Variants in IPCEF1 observed in about 807,000 individuals in gnomAD.
The protein encoded by IPCEF1 is interactor protein for cytohesin exchange factors 1.
A neutral mutation model predicts 50.9 loss-of-function variants in IPCEF1; 31 were observed. That is an observed-to-expected ratio of 0.61 (90% CI 0.46 to 0.82). The LOEUF (loss-of-function observed/expected upper bound fraction) is 0.82, where lower values mean the gene tolerates loss of function less well. Among genes scored for constraint, IPCEF1 ranks in the 40% least tolerant of loss-of-function variants. IPCEF1 has a pLI of 0.00. For missense variants in IPCEF1, 458 were observed against 514.0 expected (o/e 0.89, Z 1.05); for synonymous variants, 181 against 192.0 (o/e 0.94, Z 0.47).
chr6:154,173,408 T>C (rs1027007815), intron 10 of IPCEF1, among the ~76,000 whole-genome samples: 2 of 151,984 alleles, frequency 1.3e-5, no homozygotes, highest in African/African-American at 4.8e-5. Context: ...ATTGCAAGGA[T>C]GCTAAAAACC....
chr6:154,354,855 T>G (rs867250057), intron 1 of IPCEF1, among the ~76,000 whole-genome samples: 7 of 152,344 alleles, frequency 4.6e-5, no homozygotes, highest in Middle Eastern at 6.8e-3. Context: ...ACATTCATTT[T>G]ATGAATTATG....
At chr6:154,264,007 C>CA (rs150649406) in intron 3 of IPCEF1, among the ~76,000 whole-genome samples, 5 of 148,538 alleles carry the variant, frequency 3.4e-5, no homozygotes, top group South Asian at 2.2e-4. Flanking sequence ...GGGGGCTGAC[C>CA]CCCCCCACCT....
At chr6:154,245,484 T>C (rs899267513) in intron 5 of IPCEF1, among the ~76,000 whole-genome samples, 1 of 152,148 alleles carries the variant, frequency 6.6e-6, no homozygotes, top group Non-Finnish European at 1.5e-5. Flanking sequence ...GCAACGAAAA[T>C]TGATTAGTGG....
chr6:154,276,045 A>C (rs980078979), intron 2 of IPCEF1, among the ~76,000 whole-genome samples: 2 of 152,070 alleles, frequency 1.3e-5, no homozygotes, highest in Non-Finnish European at 2.9e-5. Flanking sequence ...TTAGCTGGCC[A>C]TGGTGGCAGG....
At chr6:154,284,765 G>T (rs1351985002) in intron 2 of IPCEF1, among the ~76,000 whole-genome samples, 1 of 152,162 alleles carries the variant, frequency 6.6e-6, no homozygotes, top group African/African-American at 2.4e-5. Flanking sequence ...ACTTTGGGAG[G>T]CCGAGGCGGG....
intron 3 of IPCEF1, among the ~76,000 whole-genome samples, chr6:154,254,901 A>G (rs1165175363): frequency 3.3e-5 from 5 of 150,956 alleles, no homozygotes; most frequent in African/African-American, 9.7e-5. Context: ...ATTTACTTTT[A>G]TTTTTCCCTT....
In IPCEF1 at chr6:154,254,166, C is replaced by A. The variant is rs575652587; in HGVS notation, c.37-6678G>T. Among the ~76,000 whole-genome samples, 4 of 152,082 alleles carry A rather than the reference C, an allele frequency of 2.6e-5. No individual in the cohort carries two copies. The South Asian group carries it at 6.2e-4, about 24-fold the overall frequency. The stretch of plus-strand genomic sequence containing the variant: ...TTCAGAACATATGATCTTTATGATA[C>A]CAATTTCTTGAAATTATTAGCATTT... On this transcript the variant is annotated intron_variant, in intron 3 of 11. Coordinates refer to ENST00000367220, the MANE Select transcript of IPCEF1 (RefSeq NM_001130700.2).
At chr6:154,286,812 A>G (rs1782370852) in intron 2 of IPCEF1, among the ~76,000 whole-genome samples, 1 of 152,236 alleles carries the variant, frequency 6.6e-6, no homozygotes, top group Non-Finnish European at 1.5e-5. Context: ...CTGAAAAAAC[A>G]AGTTGCTGGG....
At chr6:154,320,430 C>A (rs1034859486) in intron 1 of IPCEF1, among the ~76,000 whole-genome samples, 17 of 152,178 alleles carry the variant, frequency 1.1e-4, no homozygotes, top group African/African-American at 4.1e-4. Context: ...CTGGCCTCAA[C>A]CGCCCTGAGG....
chr6:154,326,975 T>C (rs1385192595), intron 1 of IPCEF1, among the ~76,000 whole-genome samples: 1 of 152,206 alleles, frequency 6.6e-6, no homozygotes, highest in Non-Finnish European at 1.5e-5. Context: ...AAGAATTCCC[T>C]ATTCAATAAA....
Position 154,265,936 on chromosome 6 carries a change from G to T in IPCEF1, c.12C>A (p.Tyr4Ter). 1 of 1,602,218 alleles carries T rather than the reference G, an allele frequency of 6.2e-7. No individual in the cohort carries two copies. The highest frequency in any genetic ancestry group is 8.5e-7 in the Non-Finnish European group (1 of 1,173,042). Residue 4 changes from tyrosine to a stop codon, truncating the protein, a stop_gained, in exon 3 of 12, where the codon TAC (tyrosine) becomes TAA (stop). Transcript: ENST00000367220. LOFTEE classifies it high-confidence loss of function. MTS[Y>*]MAIDGSALQV... ...CAAGAGCACTGCCATCAATAGCCAT[G>T]TATGATGTCATCTTAGTAGAAACAA...
At chr6:154,241,809 T>C (rs952249551) in intron 5 of IPCEF1, among the ~76,000 whole-genome samples, 1 of 152,184 alleles carries the variant, frequency 6.6e-6, no homozygotes, top group Non-Finnish European at 1.5e-5. Context: ...GGCTCAAGAA[T>C]AGGCAGTGGC....
At chr6:154,325,991 C>T (rs2015826) in intron 1 of IPCEF1, among the ~76,000 whole-genome samples, 9,615 of 151,960 alleles carry the variant, frequency 0.063, 620 homozygotes, top group East Asian at 0.29. Flanking sequence ...TTTGGGAGGC[C>T]GAGGCAGGTG....
chr6:154,304,228 A>T (rs35856845), intron 1 of IPCEF1, among the ~76,000 whole-genome samples: 30,947 of 151,796 alleles, frequency 0.2, 3,934 homozygotes, highest in East Asian at 0.35. Flanking sequence ...TCTCAAAAAA[A>T]TTTTTTTAAT....
chr6:154,217,574 T>C (rs1455893384), intron 7 of IPCEF1: 1 of 152,100 alleles, frequency 6.6e-6, no homozygotes, highest in Non-Finnish European at 1.5e-5. Flanking sequence ...GTAGTTGAAT[T>C]AGAAAGTGAG....
At chr6:154,315,832 T>TTGG (rs1783202727) in intron 1 of IPCEF1, among the ~76,000 whole-genome samples, 1 of 147,352 alleles carries the variant, frequency 6.8e-6, no homozygotes. Context: ...CAATTTTTTT[T>TTGG]GGGGGGGAGC....
At chr6:154,215,131 T>C (rs1778284144) in intron 7 of IPCEF1, among the ~76,000 whole-genome samples, 1 of 152,194 alleles carries the variant, frequency 6.6e-6, no homozygotes, top group South Asian at 2.1e-4. Flanking sequence ...GTCTATGCTT[T>C]TGATGTCTTC....
In IPCEF1 at chr6:154,156,959, ACTTC is replaced by A. The variant is rs1035945985; in HGVS notation, c.*2865_*2868del. The stretch of plus-strand genomic sequence containing the variant: ...ATCTACGTGTGCTGAGAGATTCTCC[ACTTC>A]CTTCCTGAGCAGCCATGGTTTTCTC... On this transcript the variant is annotated 3_prime_UTR_variant, in exon 12 of 12. Transcript: ENST00000367220. 1 of 152,268 alleles carries A rather than the reference ACTTC, an allele frequency of 6.6e-6. No homozygotes were observed. The highest frequency in any genetic ancestry group is 2.4e-5 in the African/African-American group (1 of 41,422). The allele number at this position is 152,268 out of a possible 1,614,324, so 9.4% of individuals were successfully genotyped here. A position where few individuals can be genotyped will look rare whatever the true frequency, so the allele number is the denominator to read the frequency against.
chr6:154,298,102 G>T (rs1368370700), intron 1 of IPCEF1, among the ~76,000 whole-genome samples: 2 of 152,064 alleles, frequency 1.3e-5, no homozygotes, highest in African/African-American at 4.8e-5. Context: ...AATGGGTAGG[G>T]TTATCCAAAA....
Sources: gnomAD v4.1 joint callset for allele counts (sites outside exome capture counted in the v4.1 genomes callset) on GRCh38, gnomAD v4.1.1 for gene constraint, MANE v1.5 for transcripts, NCBI Gene and HGNC (gene_info 2026-07-23, HGNC 2026-07-21) for gene names.